The following SGCD variants were observed in gnomAD, a reference collection of about 807,000 sequenced individuals.
The protein encoded by SGCD is sarcoglycan delta.
Under a neutral mutation model 36.6 loss-of-function variants are expected in SGCD, and 18 were observed. That is an observed-to-expected ratio of 0.49 (90% confidence interval 0.34 to 0.73). The LOEUF (loss-of-function observed/expected upper bound fraction) is 0.73, where lower values mean the gene tolerates loss of function less well. SGCD is among the 30% of genes least tolerant of loss of function. SGCD has a pLI of 0.01. For missense variants in SGCD, 387 were observed against 346.7 expected (o/e 1.12, Z -0.92); for synonymous variants, 133 against 130.6 (o/e 1.02, Z -0.12).
At chr5:156,661,721 T>A (rs1356653938) in intron 7 of SGCD, among the ~76,000 whole-genome samples, 2 of 150,898 alleles carry the variant, frequency 1.3e-5, no homozygotes, top group Non-Finnish European at 2.9e-5. Context: ...TATCAATAAG[T>A]CCCACAAAAT....
intron 3 of SGCD, among the ~76,000 whole-genome samples, chr5:156,416,032 T>C (rs954398168): frequency 2.6e-5 from 4 of 152,234 alleles, no homozygotes; most frequent in Non-Finnish European, 5.9e-5. Flanking sequence ...CCACTGTCTT[T>C]CCACAGTTAC....
chr5:156,673,586 T>C (rs546041305), intron 7 of SGCD, among the ~76,000 whole-genome samples: 1 of 152,298 alleles, frequency 6.6e-6, no homozygotes, highest in Admixed American at 6.5e-5. Context: ...ATAATTTTCC[T>C]TGCCTGGCAT....
chr5:155,955,883 C>T (rs942764082), intron 1 of SGCD, among the ~76,000 whole-genome samples: 1 of 152,050 alleles, frequency 6.6e-6, no homozygotes, highest in Non-Finnish European at 1.5e-5. Context: ...TTAACATAGT[C>T]CCTACCCTCA....
upstream of SGCD, among the ~76,000 whole-genome samples, chr5:155,866,500 C>T (rs1167790050): frequency 6.6e-6 from 1 of 152,162 alleles, no homozygotes; most frequent in Non-Finnish European, 1.5e-5. Flanking sequence ...GACCTGTAGA[C>T]CACACTTTGA....
At chr5:156,647,922 C>T (rs992325526) in intron 7 of SGCD, among the ~76,000 whole-genome samples, 4 of 152,260 alleles carry the variant, frequency 2.6e-5, no homozygotes, top group South Asian at 4.1e-4. Flanking sequence ...TATTATGCAA[C>T]AAGCTCTCTA....
At chr5:155,773,923 G>T in the SGCD span, among the ~76,000 whole-genome samples, 5 of 152,062 alleles carry the variant, frequency 3.3e-5, no homozygotes, top group African/African-American at 4.8e-5. Flanking sequence ...TGAAAATGTT[G>T]TGAGGGGGAG....
At chr5:155,956,204 C>G (rs1991793) in intron 1 of SGCD, among the ~76,000 whole-genome samples, 145,711 of 151,272 alleles carry the variant, frequency 0.96, 70,225 homozygotes, top group Middle Eastern at 1. Flanking sequence ...TGAAGTATTC[C>G]TGCTCATGAT....
chr5:156,309,265 G>T (rs182464086), intron 3 of SGCD, among the ~76,000 whole-genome samples: 129 of 152,196 alleles, frequency 8.5e-4, no homozygotes, highest in African/African-American at 3.0e-3. Context: ...TCTAGAAAAT[G>T]ATGCATATAT....
intron 1 of SGCD, among the ~76,000 whole-genome samples, chr5:155,935,912 C>T (rs556674536): frequency 6.6e-6 from 1 of 152,308 alleles, no homozygotes; most frequent in African/African-American, 2.4e-5. Context: ...CCACTGCACA[C>T]AGTCAGGCAC....
rs1760865651 is a variant in SGCD at position 156,594,909 on chromosome 5, CTCTA to C, written c.383-19_383-16del. On this transcript the variant is annotated intron_variant, in intron 5 of 8. Transcript: ENST00000337851. ...TCTCTCTCCTCTCTCCTCTCTATCT[CTCTA>C]TCTCTCTATATCTCTCAGGTCCAAA... The C allele has an allele frequency of 6.6e-7, 1 of 1,517,978 alleles. No individual in the cohort carries two copies. The highest frequency in any genetic ancestry group is 1.2e-5 in the South Asian group (1 of 86,520). The allele number at this position is 1,517,978 out of a possible 1,614,324, so 94.0% of individuals were successfully genotyped here.
At chr5:155,830,173 G>A in the SGCD span, among the ~76,000 whole-genome samples, 1 of 152,132 alleles carries the variant, frequency 6.6e-6, no homozygotes, top group Non-Finnish European at 1.5e-5. Context: ...AACACAGATT[G>A]GGTGGCCAAT....
the SGCD span, among the ~76,000 whole-genome samples, chr5:155,853,383 T>A: frequency 1.3e-5 from 2 of 152,016 alleles, no homozygotes; most frequent in African/African-American, 4.8e-5. Context: ...TTTTGTAGAA[T>A]TTGTCAGTTA....
intron 4 of SGCD, among the ~76,000 whole-genome samples, chr5:156,585,196 T>C (rs374493161): frequency 2.2e-4 from 34 of 152,284 alleles, no homozygotes; most frequent in Middle Eastern, 6.8e-3. Context: ...TGTAGCTTCA[T>C]TATTCATGAC....
In SGCD at chr5:156,105,393, A is replaced by G. The variant is rs192958921; in HGVS notation, c.-281-12485A>G. Among the ~76,000 whole-genome samples, 152 of 152,362 alleles carry G rather than the reference A, an allele frequency of 1.0e-3. 1 individual carries two copies. Among genetic ancestry groups the G allele is most frequent in the Non-Finnish European group, 1.8e-3 (121 of 68,026 alleles). On this transcript the variant is annotated intron_variant, in intron 1 of 9. Transcript: ENST00000517913. ...ATTTTTTGGCAGACTTATGAAGCCA[A>G]TTAGCTTTGTAATATATACCCAAAT...
chr5:155,930,055 G>A (rs1757071750), intron 1 of SGCD, among the ~76,000 whole-genome samples: 1 of 152,070 alleles, frequency 6.6e-6, no homozygotes, highest in South Asian at 2.1e-4. Context: ...CCACCAATGA[G>A]GTCTCACTTG....
At chr5:155,852,611 G>T in the SGCD span, among the ~76,000 whole-genome samples, 2 of 152,110 alleles carry the variant, frequency 1.3e-5, no homozygotes, top group Non-Finnish European at 2.9e-5. Context: ...TTCTCCTGCA[G>T]TAGAAAAGTT....
At chr5:156,142,545 A>T (rs1478723120) in intron 3 of SGCD, among the ~76,000 whole-genome samples, 1 of 152,194 alleles carries the variant, frequency 6.6e-6, no homozygotes, top group East Asian at 1.9e-4. Flanking sequence ...TGATAGTGAT[A>T]TTGACAGCGA....
chr5:156,126,806 C>T (rs1227566443), intron 3 of SGCD, among the ~76,000 whole-genome samples: 1 of 152,192 alleles, frequency 6.6e-6, no homozygotes, highest in Non-Finnish European at 1.5e-5. Context: ...TAATTCTTCT[C>T]AGCCTATGCT....
intron 3 of SGCD, among the ~76,000 whole-genome samples, chr5:156,211,971 T>G (rs1473408655): frequency 2.0e-5 from 3 of 152,154 alleles, no homozygotes; most frequent in Non-Finnish European, 2.9e-5. Flanking sequence ...ATGTTTTATG[T>G]AAGCATCATT....
Sources: gnomAD v4.1 joint callset for allele counts (sites outside exome capture counted in the v4.1 genomes callset) on GRCh38, gnomAD v4.1.1 for gene constraint, MANE v1.5 for transcripts, NCBI Gene and HGNC (gene_info 2026-07-23, HGNC 2026-07-21) for gene names.